The following OSTM1 variants were observed in gnomAD, a reference collection of about 807,000 sequenced individuals.
OSTM1 encodes osteoclastogenesis associated transmembrane protein 1.
OSTM1 carries 26 observed loss-of-function variants against 35.4 expected under a neutral mutation model. The observed-to-expected ratio is 0.73, with a 90% CI of 0.54 to 1.02. OSTM1 has a LOEUF of 1.02. OSTM1 is among the 50% of genes least tolerant of loss of function. The probability of loss-of-function intolerance (pLI) is 0.00; values close to 1 mark genes in which losing one functional copy is unlikely to be tolerated. For missense variants in OSTM1, 366 were observed against 409.6 expected (o/e 0.89, Z 0.92); for synonymous variants, 181 against 165.0 (o/e 1.10, Z -0.75).
chr6:108,059,924 T>C (rs1426846511), intron 2 of OSTM1, among the ~76,000 whole-genome samples: 1 of 152,184 alleles, frequency 6.6e-6, no homozygotes, highest in African/African-American at 2.4e-5. Flanking sequence ...AACATACAAA[T>C]ACTCATCACA....
At position 108,043,221 on chromosome 6, in the gene OSTM1, T is replaced by C. The variant is rs1286941721; in HGVS notation, c.*1564A>G. Reference sequence around the variant, plus strand: ...CTGCATTAATGAAGATTGCTTCAAATGGCTCTCAATCATATGCTTCAAATC... The same window carrying C: ...CTGCATTAATGAAGATTGCTTCAAACGGCTCTCAATCATATGCTTCAAATC... On this transcript the variant is annotated 3_prime_UTR_variant, in exon 6 of 6. Coordinates refer to ENST00000193322, the MANE Select transcript of OSTM1 (RefSeq NM_014028.4). 2 of 152,246 alleles carry C rather than the reference T, an allele frequency of 1.3e-5. No individual in the cohort carries two copies. The highest frequency in any genetic ancestry group is 2.9e-5 in the Non-Finnish European group (2 of 68,042). 9.4% of individuals were successfully genotyped at this position (152,246 alleles called of 1,614,324 possible).
chr6:108,070,291 G>A (rs369332164), intron 1 of OSTM1, among the ~76,000 whole-genome samples: 113 of 152,046 alleles, frequency 7.4e-4, no homozygotes, highest in Middle Eastern at 3.4e-3. Context: ...CACCTGCCTC[G>A]GCTTCCCAAA....
rs561144212 is a variant in OSTM1, at chr6:108,044,960, C to A, written c.950-120G>T. The A allele has an allele frequency of 2.4e-4, 120 of 491,726 alleles. 1 individual carries two copies. The highest frequency in any genetic ancestry group is 3.7e-4 in the Admixed American group (10 of 27,184). 30.5% of individuals were successfully genotyped at this position (491,726 alleles called of 1,614,324 possible). On this transcript the variant is annotated intron_variant, in intron 5 of 5. Coordinates refer to ENST00000193322, the MANE Select transcript of OSTM1 (RefSeq NM_014028.4). ...ATTCTATGTTTGAATCCTAACAGTTCCAGCCTTATAAGAATTAAAACCTAA... is the reference window on the plus strand; with the variant it reads ...ATTCTATGTTTGAATCCTAACAGTTACAGCCTTATAAGAATTAAAACCTAA...
chr6:108,067,828 TAAAAAAAAAAA>T (rs60932026), intron 1 of OSTM1, among the ~76,000 whole-genome samples: 43 of 77,782 alleles, frequency 5.5e-4, no homozygotes, highest in Non-Finnish European at 9.9e-4. Context: ...AGCCTCTGTC[TAAAAAAAAAAA>T]AAAAAAAAAA....
intron 3 of OSTM1, among the ~76,000 whole-genome samples, chr6:108,053,570 G>T (rs1471019396): frequency 6.6e-6 from 1 of 152,114 alleles, no homozygotes; most frequent in African/African-American, 2.4e-5. Context: ...GAGTGCAATG[G>T]CACGATCTCA....
intron 2 of OSTM1, among the ~76,000 whole-genome samples, chr6:108,056,427 G>A (rs995409864): frequency 3.3e-5 from 5 of 151,984 alleles, no homozygotes; most frequent in Non-Finnish European, 7.4e-5. Flanking sequence ...TTCAAGACTC[G>A]GAATCTACAA....
chr6:108,051,556 T>C (rs748631449), intron 3 of OSTM1, among the ~76,000 whole-genome samples: 58 of 152,310 alleles, frequency 3.8e-4, no homozygotes, highest in Non-Finnish European at 7.2e-4. Context: ...ATACAAAATT[T>C]CCTAAATTAT....
intron 1 of OSTM1, among the ~76,000 whole-genome samples, chr6:108,073,346 G>GT (rs1281071056): frequency 2.0e-5 from 3 of 151,932 alleles, no homozygotes; most frequent in Non-Finnish European, 4.4e-5. Context: ...CCCACACCTC[G>GT]TGACTCCCAC....
intron 1 of OSTM1, among the ~76,000 whole-genome samples, chr6:108,072,006 G>T (rs888202242): frequency 6.6e-6 from 1 of 152,138 alleles, no homozygotes; most frequent in South Asian, 2.1e-4. Flanking sequence ...GCACCCTAGA[G>T]TTTGAGGTGC....
intron 2 of OSTM1, among the ~76,000 whole-genome samples, chr6:108,061,781 A>C (rs1470221171): frequency 1.3e-5 from 2 of 151,954 alleles, no homozygotes; most frequent in African/African-American, 4.8e-5. Context: ...GGGCTCAAGC[A>C]ATACTACCAT....
At chr6:108,061,335 C>G (rs567917565) in intron 2 of OSTM1, among the ~76,000 whole-genome samples, 1 of 152,198 alleles carries the variant, frequency 6.6e-6, no homozygotes, top group South Asian at 2.1e-4. Context: ...CTTATAGGTA[C>G]ACAAATTTTT....
intron 2 of OSTM1, among the ~76,000 whole-genome samples, chr6:108,055,320 T>C (rs1484559068): frequency 1.2e-5 from 1 of 86,420 alleles, no homozygotes; most frequent in Non-Finnish European, 2.6e-5. Context: ...TCTATTCTTC[T>C]TTTTTTTTTT....
At position 108,043,071 on chromosome 6, in the gene OSTM1, T is replaced by G. The variant is rs1256385474; in HGVS notation, c.*1714A>C. 1 of 152,228 alleles carries G rather than the reference T, an allele frequency of 6.6e-6. No homozygotes were observed. Among genetic ancestry groups the G allele is most frequent in the Non-Finnish European group, 1.5e-5 (1 of 68,040 alleles). The allele number at this position is 152,228 out of a possible 1,614,324, so 9.4% of individuals were successfully genotyped here. The stretch of plus-strand genomic sequence containing the variant: ...GCTGCCTTTTCCTTTTTAAAGTGCT[T>G]ATTAGCTTTATATCCAAAAACAATG... On this transcript the variant is annotated 3_prime_UTR_variant, in exon 6 of 6. Transcript: ENST00000193322.
At chr6:108,051,327 G>C (rs1232046402) in intron 3 of OSTM1, 129 bp from the exon 4 acceptor site, 2 of 677,048 alleles carry the variant, frequency 3.0e-6, no homozygotes, top group Non-Finnish European at 5.0e-6. Context: ...CTGTGATGTT[G>C]AGTAGGTTAC....
In OSTM1 at chr6:108,042,947, AACTT is replaced by A. The variant is rs2114584772; in HGVS notation, c.*1834_*1837del. 6.6e-6 allele frequency: 1 copy of A among 152,318 alleles called. No individual in the cohort carries two copies. Among genetic ancestry groups the A allele is most frequent in the South Asian group, 2.1e-4 (1 of 4,832 alleles). The allele number at this position is 152,318 out of a possible 1,614,324, so 9.4% of individuals were successfully genotyped here. A position where few individuals can be genotyped will look rare whatever the true frequency, so the allele number is the denominator to read the frequency against. On this transcript the variant is annotated 3_prime_UTR_variant, in exon 6 of 6. Coordinates refer to ENST00000193322, the MANE Select transcript of OSTM1 (RefSeq NM_014028.4). ...CATTTTTCAATATGACAAAATGAAA[AACTT>A]ACACACTTTAGGGTAGCGCTTAATA...
chr6:108,072,654 G>GAA (rs5878960), intron 1 of OSTM1, among the ~76,000 whole-genome samples: 76 of 130,250 alleles, frequency 5.8e-4, no homozygotes, highest in East Asian at 2.1e-3. Flanking sequence ...AAAGAAAAAA[G>GAA]AAAAAAAAAA....
rs755506792 is a variant in OSTM1, at chr6:108,042,398, C to A, written c.*2387G>T. Reference sequence around the variant, plus strand: ...TATTTGCAGCAAAATTTAAGACAGACAGTACTTTCTTTTTTCTTTTTTTTT... The same window carrying A: ...TATTTGCAGCAAAATTTAAGACAGAAAGTACTTTCTTTTTTCTTTTTTTTT... On this transcript the variant is annotated 3_prime_UTR_variant, in exon 6 of 6. Transcript: ENST00000193322. The A allele has an allele frequency of 6.8e-6, 1 of 146,452 alleles. No homozygotes were observed. Among genetic ancestry groups the A allele is most frequent in the Non-Finnish European group, 1.5e-5 (1 of 66,970 alleles). 9.1% of individuals were successfully genotyped at this position (146,452 alleles called of 1,614,324 possible).
chr6:108,050,605 G>C (rs1020962467), intron 4 of OSTM1, among the ~76,000 whole-genome samples: 4 of 152,004 alleles, frequency 2.6e-5, no homozygotes, highest in Non-Finnish European at 4.4e-5. Flanking sequence ...TTCGTGATCT[G>C]CCCGCCTCAG....
At chr6:108,058,725 C>G (rs187978556) in intron 2 of OSTM1, among the ~76,000 whole-genome samples, 171 of 152,160 alleles carry the variant, frequency 1.1e-3, no homozygotes, top group Non-Finnish European at 1.7e-3. Flanking sequence ...TTGCAGTGAA[C>G]TGAGATCGCA....
Sources: allele counts gnomAD v4.1 joint callset (sites outside exome capture counted in the v4.1 genomes callset), GRCh38; gene constraint gnomAD v4.1.1; transcripts MANE v1.5; gene names NCBI Gene and HGNC (gene_info 2026-07-23, HGNC 2026-07-21).